MDFIC: variants seen among roughly 807,000 people sequenced by gnomAD.
MDFIC encodes the protein myoD family inhibitor domain-containing protein.
Under a neutral mutation model 23.2 loss-of-function variants are expected in MDFIC, and 17 were observed. The observed-to-expected ratio is 0.73, with a 90% confidence interval of 0.50 to 1.10. The LOEUF is 1.10. Ranked by LOEUF, MDFIC falls within the 50% of genes least tolerant of loss-of-function variation. MDFIC has a pLI of 0.00. For synonymous variants in MDFIC, 120 were observed against 115.2 expected (o/e 1.04, Z -0.27); for missense variants, 356 against 316.6 (o/e 1.12, Z -0.95).
At chr7:114,959,833 A>ATAATAAT (rs1484470320) in intron 3 of MDFIC, among the ~76,000 whole-genome samples, 1 of 149,982 alleles carries the variant, frequency 6.7e-6, no homozygotes, top group Non-Finnish European at 1.5e-5. Flanking sequence ...ACTAATAATA[A>ATAATAAT]TAATAATAAT....
At chr7:114,945,806 A>G (rs1792632421) in intron 3 of MDFIC, among the ~76,000 whole-genome samples, 1 of 152,200 alleles carries the variant, frequency 6.6e-6, no homozygotes, top group South Asian at 2.1e-4. Context: ...AAAGTTTATA[A>G]TTGGAAATTC....
intron 4 of MDFIC, among the ~76,000 whole-genome samples, chr7:114,991,891 T>G (rs571412384): frequency 3.1e-4 from 47 of 152,348 alleles, no homozygotes; most frequent in Admixed American, 5.9e-4. Context: ...GTGAAGAAAG[T>G]CATTGGTAGC....
intron 2 of MDFIC, among the ~76,000 whole-genome samples, chr7:114,936,541 A>T (rs2709484): frequency 6.6e-6 from 1 of 152,158 alleles, no homozygotes; most frequent in African/African-American, 2.4e-5. Context: ...AAATGACTTG[A>T]TAGCAGATTT....
At chr7:114,985,586 G>A (rs1215494898) in intron 4 of MDFIC, among the ~76,000 whole-genome samples, 1 of 151,726 alleles carries the variant, frequency 6.6e-6, no homozygotes, top group Non-Finnish European at 1.5e-5. Flanking sequence ...CATCCCCCAG[G>A]TATTAAGCCT....
chr7:114,977,231 TA>T (rs1261109700), intron 3 of MDFIC, among the ~76,000 whole-genome samples: 2 of 152,186 alleles, frequency 1.3e-5, no homozygotes, highest in Admixed American at 6.6e-5. Context: ...TGTAAACAGA[TA>T]ACTTTTGGGG....
At chr7:114,938,867 G>T (rs1792485439) in intron 2 of MDFIC, among the ~76,000 whole-genome samples, 3 of 152,256 alleles carry the variant, frequency 2.0e-5, no homozygotes, top group African/African-American at 7.2e-5. Context: ...CCAGGGCTGA[G>T]TTCTTTGTTT....
chr7:114,935,581 A>G (rs559208161), intron 2 of MDFIC, among the ~76,000 whole-genome samples: 7 of 151,564 alleles, frequency 4.6e-5, no homozygotes, highest in Admixed American at 1.3e-4. Context: ...GGTTCAGTAG[A>G]ATATTTGAGG....
intron 2 of MDFIC, among the ~76,000 whole-genome samples, chr7:114,931,419 A>T (rs984883929): frequency 9.9e-5 from 15 of 152,202 alleles, no homozygotes; most frequent in African/African-American, 3.6e-4. Context: ...GTCTGAAATT[A>T]ATTTTTATGC....
At chr7:114,956,362 TATATATATACACACACAC>T (rs991884116) in intron 3 of MDFIC, among the ~76,000 whole-genome samples, 4 of 151,278 alleles carry the variant, frequency 2.6e-5, no homozygotes, top group Non-Finnish European at 5.9e-5. Flanking sequence ...CACACACATA[TATATATATACACACACAC>T]ATATATATAC....
At chr7:114,948,058 C>A (rs1002843219) in intron 3 of MDFIC, among the ~76,000 whole-genome samples, 3 of 152,124 alleles carry the variant, frequency 2.0e-5, no homozygotes, top group African/African-American at 7.2e-5. Context: ...CAATAACCAG[C>A]ACATTGATTG....
intron 3 of MDFIC, among the ~76,000 whole-genome samples, chr7:114,958,129 A>G (rs1282580782): frequency 6.6e-6 from 1 of 152,232 alleles, no homozygotes; most frequent in Non-Finnish European, 1.5e-5. Flanking sequence ...ATTAAGTAAA[A>G]GTGAAGAAAC....
At chr7:115,003,805 T>G (rs1218647778) in intron 4 of MDFIC, among the ~76,000 whole-genome samples, 1 of 152,180 alleles carries the variant, frequency 6.6e-6, no homozygotes, top group Non-Finnish European at 1.5e-5. Flanking sequence ...GGAATCACCC[T>G]TACTTTCTCC....
At chr7:115,006,026 T>C (rs1013216434) in intron 4 of MDFIC, among the ~76,000 whole-genome samples, 1 of 152,164 alleles carries the variant, frequency 6.6e-6, no homozygotes, top group Non-Finnish European at 1.5e-5. Context: ...CCGCTGTGCT[T>C]CTTTGGTTGG....
chr7:114,995,758 G>C (rs549108956), intron 4 of MDFIC, among the ~76,000 whole-genome samples: 13 of 152,300 alleles, frequency 8.5e-5, no homozygotes, highest in East Asian at 1.9e-4. Flanking sequence ...TGCCCCTACT[G>C]GGGGGTGCCT....
At chr7:115,000,140 A>G (rs2116075769) in intron 4 of MDFIC, among the ~76,000 whole-genome samples, 1 of 152,268 alleles carries the variant, frequency 6.6e-6, no homozygotes, top group Non-Finnish European at 1.5e-5. Context: ...GTGGTCCCAT[A>G]AAATAAGAAC....
At chr7:114,991,489 C>T (rs1041862083) in intron 4 of MDFIC, among the ~76,000 whole-genome samples, 2 of 152,174 alleles carry the variant, frequency 1.3e-5, no homozygotes, top group Non-Finnish European at 2.9e-5. Flanking sequence ...TTAGGTCTGA[C>T]ATTTGAGTCT....
intron 4 of MDFIC, among the ~76,000 whole-genome samples, chr7:114,996,408 T>C (rs1411873190): frequency 6.6e-6 from 1 of 152,138 alleles, no homozygotes; most frequent in African/African-American, 2.4e-5. Flanking sequence ...CAGTTGAAAG[T>C]AAGGAATGGC....
At chr7:114,956,430 AT>A (rs1792887294) in intron 3 of MDFIC, among the ~76,000 whole-genome samples, 1 of 151,936 alleles carries the variant, frequency 6.6e-6, no homozygotes, top group African/African-American at 2.4e-5. Context: ...GAAAAAAGGC[AT>A]TTTTATTCTT....
intron 3 of MDFIC, among the ~76,000 whole-genome samples, chr7:114,946,305 T>C (rs1178934340): frequency 6.6e-6 from 1 of 152,034 alleles, no homozygotes; most frequent in African/African-American, 2.4e-5. Context: ...TTAATTTAGG[T>C]CAAATTCTAC....
Sources: gnomAD v4.1 joint callset for allele counts (sites outside exome capture counted in the v4.1 genomes callset) on GRCh38, gnomAD v4.1.1 for gene constraint, MANE v1.5 for transcripts, NCBI Gene and HGNC (gene_info 2026-07-23, HGNC 2026-07-21) for gene names.